Variants in USP30 observed in about 807,000 individuals in gnomAD.
USP30 encodes the protein ubiquitin carboxyl-terminal hydrolase 30.
A neutral mutation model predicts 68.2 loss-of-function variants in USP30; 41 were observed. The ratio of observed to expected loss-of-function variants is 0.60; its 90% confidence interval spans 0.47 to 0.78. USP30 has a LOEUF of 0.78. Among genes scored for constraint, USP30 ranks in the 30% least tolerant of loss-of-function variants. The pLI, the probability that USP30 is intolerant of heterozygous loss-of-function variation, is 0.00. For synonymous variants in USP30, 229 were observed against 253.7 expected, an observed-to-expected ratio of 0.90 and a Z score of 0.93; for missense variants, 522 against 649.4, an observed-to-expected ratio of 0.80 and a Z score of 2.13.
intron 3 of USP30, among the ~76,000 whole-genome samples, chr12:109,039,005 A>G (rs573070375): frequency 3.0e-4 from 46 of 152,310 alleles, no homozygotes; most frequent in African/African-American, 1.0e-3. Context: ...TTCCGGATAC[A>G]AGTCTTTGTT....
intron 3 of USP30, among the ~76,000 whole-genome samples, chr12:109,042,956 T>C (rs2040575061): frequency 6.6e-6 from 1 of 152,122 alleles, no homozygotes; most frequent in South Asian, 2.1e-4. Context: ...TTCTAGATAC[T>C]AACAATGAAT....
intron 4 of USP30, among the ~76,000 whole-genome samples, chr12:109,068,462 G>A (rs2041329191): frequency 6.6e-6 from 1 of 151,946 alleles, no homozygotes; most frequent in Non-Finnish European, 1.5e-5. Context: ...TCTTGTTTTT[G>A]CTTTATTCTG....
chr12:109,074,754 A>C (rs1260466389), intron 7 of USP30, among the ~76,000 whole-genome samples: 1 of 152,086 alleles, frequency 6.6e-6, no homozygotes, highest in Non-Finnish European at 1.5e-5. Flanking sequence ...TGGTGAGAAC[A>C]CTCTCTTAGT....
rs71079513 is a variant in USP30 at position 109,032,099 on chromosome 12, C to CA, written c.-136+4557dup. ...ACTGTGTGGCAGAGTGAGACTCTGT[C>CA]AAAAAAAAAAAAAACACGGGCAACA... On this transcript the variant is annotated intron_variant, in intron 3 of 15. Coordinates refer to the USP30 transcript ENST00000392784. 6.6e-3 allele frequency among the ~76,000 whole-genome samples: 874 copies of CA among 131,912 alleles called. 14 individuals are homozygous for CA. The highest frequency in any genetic ancestry group is 0.059 in the South Asian group (244 of 4,104). The allele number at this position is 131,912 out of a possible 152,430, so 86.5% of individuals were successfully genotyped here. A position where few individuals can be genotyped will look rare whatever the true frequency, so the allele number is the denominator to read the frequency against.
chr12:109,050,574 A>G (rs2040650806), upstream of USP30, among the ~76,000 whole-genome samples: 1 of 152,100 alleles, frequency 6.6e-6, no homozygotes, highest in Non-Finnish European at 1.5e-5. Context: ...GGAGAAAGCG[A>G]TTGAAAGGGA....
intron 3 of USP30, among the ~76,000 whole-genome samples, chr12:109,066,068 A>T (rs893896480): frequency 2.0e-5 from 3 of 151,908 alleles, no homozygotes; most frequent in Non-Finnish European, 2.9e-5. Flanking sequence ...CCTGGGCAAC[A>T]TGGTGAAACT....
At chr12:109,038,905 A>G (rs1281756823) in intron 3 of USP30, among the ~76,000 whole-genome samples, 1 of 152,182 alleles carries the variant, frequency 6.6e-6, no homozygotes, top group Non-Finnish European at 1.5e-5. Context: ...TCATTCTCAT[A>G]TACTGTATTG....
intron 3 of USP30, among the ~76,000 whole-genome samples, chr12:109,066,122 T>C (rs571831571): frequency 2.0e-5 from 3 of 152,010 alleles, no homozygotes; most frequent in East Asian, 3.9e-4. Flanking sequence ...CACAAGGACA[T>C]GTGCCTGTAG....
intron 4 of USP30, among the ~76,000 whole-genome samples, chr12:109,069,564 C>T (rs1367737189): frequency 6.6e-6 from 1 of 152,216 alleles, no homozygotes; most frequent in African/African-American, 2.4e-5. Context: ...TATTGAATGC[C>T]TGCCTGGGGT....
chr12:109,041,930 G>C (rs1057410354), intron 3 of USP30, among the ~76,000 whole-genome samples: 1 of 151,984 alleles, frequency 6.6e-6, no homozygotes, highest in Admixed American at 6.5e-5. Flanking sequence ...CATAAAGAAA[G>C]ACAAACTTAT....
At chr12:109,036,673 A>G (rs1296564662) in intron 3 of USP30, among the ~76,000 whole-genome samples, 1 of 151,906 alleles carries the variant, frequency 6.6e-6, no homozygotes, top group Non-Finnish European at 1.5e-5. Context: ...TTCCTCCTTC[A>G]TTTTTAAAGA....
rs190330893 is a variant in USP30 at position 109,082,909 on chromosome 12, C to A, written c.1015C>A (p.Arg339=). 3.1e-6 allele frequency: 5 copies of A among 1,614,110 alleles called. No homozygotes were observed. Among genetic ancestry groups the A allele is most frequent in the Admixed American group, 1.7e-5 (1 of 60,012 alleles). ...GTCCAGCCACGGCACGCCTCTGAAG[C>A]GGCATGAGCACGTGCAGTTCAATGA... is the stretch of plus-strand genomic sequence containing the variant. ...SWSSHGTPLK[R]HEHVQFNEFL... is the part of the protein sequence containing the mutation. Residue 339 remains arginine, a synonymous_variant, in exon 11 of 13, where the codon CGG becomes AGG. Transcript: ENST00000257548.
intron 3 of USP30, among the ~76,000 whole-genome samples, chr12:109,034,686 C>T (rs533887915): frequency 5.9e-5 from 9 of 152,298 alleles, no homozygotes; most frequent in Admixed American, 2.6e-4. Flanking sequence ...GATCTTCTGT[C>T]TAGTTGTTCT....
chr12:109,066,602 T>A (rs528735616), intron 3 of USP30, among the ~76,000 whole-genome samples: 2 of 152,232 alleles, frequency 1.3e-5, no homozygotes, highest in South Asian at 4.1e-4. Flanking sequence ...GGAGAATCGC[T>A]TGAACCCAGG....
chr12:109,048,013 G>A (rs544342382), upstream of USP30, among the ~76,000 whole-genome samples: 36 of 151,760 alleles, frequency 2.4e-4, no homozygotes, highest in Non-Finnish European at 4.3e-4. Context: ...AGTGTATCTC[G>A]GAGTTTTCCA....
intron 8 of USP30, chr12:109,081,619 G>T: frequency 2.0e-6 from 1 of 490,650 alleles, no homozygotes; most frequent in Non-Finnish European, 3.5e-6. Context: ...ACGCACGCAT[G>T]CGCGCACACA....
At chr12:109,038,051 A>T (rs1481572629) in intron 3 of USP30, among the ~76,000 whole-genome samples, 1 of 151,736 alleles carries the variant, frequency 6.6e-6, no homozygotes, top group Non-Finnish European at 1.5e-5. Flanking sequence ...CATGTGCAGG[A>T]TATGCAGGTT....
intron 9 of USP30, 58 bp from the exon 10 acceptor site, chr12:109,082,605 C>T: frequency 6.4e-7 from 1 of 1,556,356 alleles, no homozygotes; most frequent in Non-Finnish European, 8.8e-7. Flanking sequence ...TGGTCTGCAG[C>T]ACTCCAAAGC....
At position 109,044,375 on chromosome 12, in the gene USP30, C is replaced by T. The variant is rs550641319; in HGVS notation, c.-135-3215C>T. ...ATGGTTGTCCAGACATGGTGGCTCA[C>T]GCCTGCGATCTGAGCAGTTTGGGAG... On this transcript the variant is annotated intron_variant, in intron 3 of 15. Coordinates refer to the USP30 transcript ENST00000392784. Among the ~76,000 whole-genome samples the T allele has an allele frequency of 1.2e-3, 184 of 152,276 alleles. 3 individuals are homozygous for T. The South Asian group carries it at 0.021, about 18-fold the overall frequency.
Sources: allele counts gnomAD v4.1 joint callset (sites outside exome capture counted in the v4.1 genomes callset), GRCh38; gene constraint gnomAD v4.1.1; transcripts MANE v1.5; gene names NCBI Gene and HGNC (gene_info 2026-07-23, HGNC 2026-07-21).